LRP1B: variants seen among roughly 807,000 people sequenced by gnomAD.
LRP1B encodes low-density lipoprotein receptor-related protein 1B.
Under a neutral mutation model 556.6 loss-of-function variants are expected in LRP1B, and 217 were observed. That is an observed-to-expected ratio of 0.39 (90% confidence interval 0.35 to 0.44). LRP1B has a LOEUF of 0.44. Ranked by LOEUF, LRP1B falls within the 20% of genes least tolerant of loss-of-function variation. The pLI is 1.00. For synonymous variants in LRP1B, 2,047 were observed against 1,865.8 expected, an observed-to-expected ratio of 1.10 and a Z score of -2.50; for missense variants, 5,053 against 5,620.8, an observed-to-expected ratio of 0.90 and a Z score of 3.23.
intron 79 of LRP1B, among the ~76,000 whole-genome samples, chr2:140,330,071 G>A (rs1680715856): frequency 1.3e-5 from 2 of 151,372 alleles, no homozygotes; most frequent in South Asian, 4.2e-4. Flanking sequence ...ATGGTAGCAG[G>A]TGCCTGTAAT....
At chr2:140,724,549 T>C (rs551834387) in intron 35 of LRP1B, among the ~76,000 whole-genome samples, 1 of 152,182 alleles carries the variant, frequency 6.6e-6, no homozygotes, top group Non-Finnish European at 1.5e-5. Flanking sequence ...CAAAAAATTC[T>C]ATATAAAGTG....
chr2:140,899,531 A>G (rs1185778273), intron 23 of LRP1B, among the ~76,000 whole-genome samples: 2 of 152,224 alleles, frequency 1.3e-5, no homozygotes, highest in East Asian at 3.8e-4. Flanking sequence ...TTTCATTTCT[A>G]TGTTAACACT....
rs1224655221 is a variant in LRP1B at position 141,096,671 on chromosome 2, A to AGG, written c.1014-34399_1014-34398insCC. ...GAGAGAGAGAGAGAGAGAGAGAGAGAGAGAGAGAGAGAGAGAGAGAAAATA... is the reference window on the plus strand; with the variant it reads ...GAGAGAGAGAGAGAGAGAGAGAGAGAGGGAGAGAGAGAGAGAGAGAGAAAATA... On this transcript the variant is annotated intron_variant, in intron 7 of 90. Transcript: ENST00000389484. Among the ~76,000 whole-genome samples, 1,124 of 130,942 alleles carry AGG rather than the reference A, an allele frequency of 8.6e-3. 146 individuals carry two copies. Among genetic ancestry groups the AGG allele is most frequent in the East Asian group, 0.082 (232 of 2,844 alleles). The allele number at this position is 130,942 out of a possible 152,430, so 85.9% of individuals were successfully genotyped here.
At chr2:140,270,486 A>C (rs1682407625) in intron 85 of LRP1B, 140 bp from the exon 86 acceptor site, 2 of 590,850 alleles carry the variant, frequency 3.4e-6, no homozygotes, top group African/African-American at 3.7e-5. Flanking sequence ...GTTTTCAGGA[A>C]GTCTGACTCA....
At chr2:141,090,111 G>A (rs1486310835) in intron 7 of LRP1B, among the ~76,000 whole-genome samples, 1 of 152,216 alleles carries the variant, frequency 6.6e-6, no homozygotes, top group Non-Finnish European at 1.5e-5. Flanking sequence ...TACTTGATTT[G>A]TAATGTTGGC....
intron 12 of LRP1B, 21 bp from the exon 13 acceptor site, chr2:141,015,936 C>T (rs1697887306): frequency 1.3e-6 from 2 of 1,567,978 alleles, no homozygotes; most frequent in Non-Finnish European, 8.8e-7. Context: ...AAAAAAACAA[C>T]AAAAATGCAT....
chr2:141,551,749 A>C (rs954332181), intron 2 of LRP1B, among the ~76,000 whole-genome samples: 1 of 152,064 alleles, frequency 6.6e-6, no homozygotes, highest in African/African-American at 2.4e-5. Flanking sequence ...TACTAAAGTG[A>C]AAATGACAGT....
chr2:142,023,341 T>C (rs1703404111), intron 1 of LRP1B, among the ~76,000 whole-genome samples: 1 of 152,222 alleles, frequency 6.6e-6, no homozygotes, highest in African/African-American at 2.4e-5. Flanking sequence ...CGCGTATTCA[T>C]TTCAATGCCT....
At chr2:140,404,001 A>G (rs1684620269) in intron 66 of LRP1B, among the ~76,000 whole-genome samples, 1 of 152,160 alleles carries the variant, frequency 6.6e-6, no homozygotes, top group South Asian at 2.1e-4. Flanking sequence ...TCAGCCAAGA[A>G]TTTTGTACCC....
In LRP1B at chr2:140,692,878, A is replaced by T. The variant is rs534662892; in HGVS notation, c.6799+7372T>A. Among the ~76,000 whole-genome samples, 3 of 152,172 alleles carry T rather than the reference A, an allele frequency of 2.0e-5. No individual in the cohort carries two copies. In the South Asian group the frequency reaches 6.2e-4, roughly 32 times the overall value. On this transcript the variant is annotated intron_variant, in intron 41 of 90. Coordinates refer to ENST00000389484, the MANE Select transcript of LRP1B (RefSeq NM_018557.3). Reference sequence around the variant, plus strand: ...CTGTTCTTACCCTGAGTTTATAAAGATATTCTGTATTCTTTGATATTAAAA... The same window carrying T: ...CTGTTCTTACCCTGAGTTTATAAAGTTATTCTGTATTCTTTGATATTAAAA...
chr2:141,884,073 A>G (rs532583250), intron 1 of LRP1B, among the ~76,000 whole-genome samples: 1 of 152,256 alleles, frequency 6.6e-6, no homozygotes, highest in Non-Finnish European at 1.5e-5. Context: ...AGTCTTTATC[A>G]ACTTTAAAAA....
At chr2:141,934,798 T>G (rs1429796709) in intron 1 of LRP1B, among the ~76,000 whole-genome samples, 1 of 152,208 alleles carries the variant, frequency 6.6e-6, no homozygotes, top group Non-Finnish European at 1.5e-5. Context: ...CTGCCATGAT[T>G]GTAAGTTTCC....
intron 43 of LRP1B, among the ~76,000 whole-genome samples, chr2:140,564,057 T>C (rs185998304): frequency 3.3e-4 from 51 of 152,288 alleles, no homozygotes; most frequent in Admixed American, 3.3e-3. Context: ...GATAGTAATA[T>C]AGAGTTAGTG....
intron 1 of LRP1B, among the ~76,000 whole-genome samples, chr2:141,818,822 T>C (rs969277397): frequency 7.8e-4 from 119 of 151,736 alleles, no homozygotes; most frequent in African/African-American, 2.0e-3. Context: ...AGGCGTGAGC[T>C]ACCGCACCTG....
rs190130091 is a variant in LRP1B, at chr2:140,617,175, C to T, written c.6800-15536G>A. 2.7e-3 allele frequency among the ~76,000 whole-genome samples: 405 copies of T among 151,948 alleles called. 1 individual carries two copies. The highest frequency in any genetic ancestry group is 9.5e-3 in the African/African-American group (396 of 41,516). On this transcript the variant is annotated intron_variant, in intron 41 of 90. Coordinates refer to ENST00000389484, the MANE Select transcript of LRP1B (RefSeq NM_018557.3). ...TAGGATGCACACATTTACTTGATTG[C>T]TCTTTTCTTTTTCTTTTTGTCTAAC...
intron 20 of LRP1B, among the ~76,000 whole-genome samples, chr2:140,943,583 TGAAATA>T (rs1271151145): frequency 6.6e-6 from 1 of 151,974 alleles, no homozygotes; most frequent in East Asian, 1.9e-4. Flanking sequence ...AAAACTATAG[TGAAATA>T]GAAATAGAAA....
intron 77 of LRP1B, among the ~76,000 whole-genome samples, chr2:140,341,867 G>C (rs1681409165): frequency 6.6e-6 from 1 of 151,274 alleles, no homozygotes; most frequent in African/African-American, 2.4e-5. Context: ...GAATATTTTG[G>C]CTATGGTGTG....
chr2:140,716,961 T>A, intron 35 of LRP1B, 145 bp from the exon 36 acceptor site: 1 of 405,866 alleles, frequency 2.5e-6, no homozygotes, highest in Admixed American at 4.3e-5. Context: ...GATAATTTAC[T>A]AATATAAATA....
chr2:141,839,998 T>G (rs560612400), intron 1 of LRP1B, among the ~76,000 whole-genome samples: 25 of 152,336 alleles, frequency 1.6e-4, no homozygotes, highest in Non-Finnish European at 3.7e-4. Flanking sequence ...GAGTTTTTAA[T>G]GCCCTCTAGC....
Sources: allele counts gnomAD v4.1 joint callset (sites outside exome capture counted in the v4.1 genomes callset), GRCh38; gene constraint gnomAD v4.1.1; transcripts MANE v1.5; gene names NCBI Gene and HGNC (gene_info 2026-07-23, HGNC 2026-07-21).